The following SRGAP2C variants were observed in gnomAD, a reference collection of about 807,000 sequenced individuals.
The protein encoded by SRGAP2C is SLIT-ROBO Rho GTPase activating protein 2C, also known as SLIT-ROBO Rho GTPase-activating protein 2C.
In SRGAP2C, 15 loss-of-function variants were observed where a neutral mutation model predicts 25.1. The observed-to-expected ratio is 0.60, with a 90% CI of 0.40 to 0.92. SRGAP2C has a LOEUF of 0.92. SRGAP2C is among the 40% of genes least tolerant of loss of function. SRGAP2C has a pLI of 0.00. For synonymous variants in SRGAP2C, 44 were observed against 96.6 expected (o/e 0.46, Z 3.19); for missense variants, 144 against 264.4 (o/e 0.54, Z 3.16).
chr1:121,296,284 G>C (rs1472322348), intron 3 of SRGAP2C, among the ~76,000 whole-genome samples: 3 of 151,982 alleles, frequency 2.0e-5, no homozygotes, highest in African/African-American at 7.3e-5. Flanking sequence ...GGTTGAAACT[G>C]TGGAAATATT....
chr1:121,235,052 C>T (rs200346172), intron 2 of SRGAP2C, among the ~76,000 whole-genome samples: 4,281 of 141,228 alleles, frequency 0.03, 246 homozygotes, highest in African/African-American at 0.12. Flanking sequence ...GGCGGAGTCT[C>T]GCTCCGTCCC....
chr1:121,264,499 CT>C (rs1430233415), intron 2 of SRGAP2C, among the ~76,000 whole-genome samples: 4 of 106,986 alleles, frequency 3.7e-5, no homozygotes, highest in Non-Finnish European at 3.8e-5. Context: ...ACAGTCTCAT[CT>C]TTTTTTCCTC....
At chr1:121,378,925 C>T (rs1334598350) in intron 7 of SRGAP2C, among the ~76,000 whole-genome samples, 1 of 152,228 alleles carries the variant, frequency 6.6e-6, no homozygotes, top group Non-Finnish European at 1.5e-5. Context: ...GAAACCTTGA[C>T]TTCAGGCCAA....
At chr1:121,367,131 G>C in intron 5 of SRGAP2C, among the ~76,000 whole-genome samples, 1 of 151,786 alleles carries the variant, frequency 6.6e-6, no homozygotes, top group Non-Finnish European at 1.5e-5. Context: ...TCTTCCCATT[G>C]ATGTTCAAAC....
chr1:121,359,794 G>GA (rs4058174), intron 4 of SRGAP2C, among the ~76,000 whole-genome samples: 1 of 151,978 alleles, frequency 6.6e-6, no homozygotes, highest in Non-Finnish European at 1.5e-5. Context: ...AGAAAGAAAA[G>GA]AAAAAAAGAA....
At chr1:121,233,076 T>G (rs1655858409) in intron 2 of SRGAP2C, among the ~76,000 whole-genome samples, 1 of 121,668 alleles carries the variant, frequency 8.2e-6, no homozygotes, top group African/African-American at 3.2e-5. Context: ...GCCCTTGATC[T>G]GGACAACGTG....
chr1:121,374,599 C>G (rs1407202390), intron 6 of SRGAP2C, among the ~76,000 whole-genome samples: 1 of 152,162 alleles, frequency 6.6e-6, no homozygotes, highest in Non-Finnish European at 1.5e-5. Context: ...AAGATAGAAT[C>G]AAAGCGGGGC....
At chr1:121,308,800 G>A (rs1196224104) in intron 3 of SRGAP2C, among the ~76,000 whole-genome samples, 8 of 147,760 alleles carry the variant, frequency 5.4e-5, no homozygotes, top group Non-Finnish European at 7.4e-5. Flanking sequence ...TTAGCCGAGC[G>A]TGGTGGCACA....
rs1658064617 is a variant in SRGAP2C, at chr1:121,315,025, G to T, written c.261-9453G>T. On this transcript the variant is annotated intron_variant, in intron 3 of 9. Transcript: ENST00000367123. The stretch of plus-strand genomic sequence containing the variant: ...GTCTTGTCAACAGCTGTTATCTTCA[G>T]CTTCTTCAAGGTATCACTGAGATTA... The T allele has an allele frequency of 2.5e-5, 26 of 1,038,420 alleles. 2 individuals are homozygous for T. In the Admixed American group the frequency reaches 5.4e-4, roughly 21 times the overall value. The allele number at this position is 1,038,420 out of a possible 1,614,324, so 64.3% of individuals were successfully genotyped here. A position where few individuals can be genotyped will look rare whatever the true frequency, so the allele number is the denominator to read the frequency against.
chr1:121,277,867 G>GAAACATGGATATGTTTCCATGGAAACAT (rs1657143514), intron 2 of SRGAP2C, among the ~76,000 whole-genome samples: 1 of 102,984 alleles, frequency 9.7e-6, no homozygotes, highest in Non-Finnish European at 2.0e-5. Context: ...ACCGAGAGTG[G>GAAACATGGATATGTTTCCATGGAAACAT]GGAAAACATG....
intron 2 of SRGAP2C, among the ~76,000 whole-genome samples, chr1:121,207,945 G>A (rs1223959468): frequency 1.3e-5 from 2 of 152,100 alleles, no homozygotes; most frequent in African/African-American, 4.8e-5. Context: ...CCACTCAGCT[G>A]GAGGTCAGAG....
At chr1:121,203,694 AC>A (rs1297930211) in intron 2 of SRGAP2C, among the ~76,000 whole-genome samples, 1 of 57,444 alleles carries the variant, frequency 1.7e-5, no homozygotes, top group Non-Finnish European at 3.3e-5. Flanking sequence ...CTTTCATCTC[AC>A]CCCACTTTAG....
chr1:121,277,391 CT>C (rs1657129901), intron 2 of SRGAP2C, among the ~76,000 whole-genome samples: 3 of 151,722 alleles, frequency 2.0e-5, no homozygotes, highest in Admixed American at 6.6e-5. Context: ...TTGTTTGTTT[CT>C]TTTTTATGTA....
chr1:121,244,071 TTA>T (rs1656182731), intron 2 of SRGAP2C, among the ~76,000 whole-genome samples: 1 of 135,666 alleles, frequency 7.4e-6, no homozygotes, highest in Non-Finnish European at 1.6e-5. Context: ...TGACTGGAGG[TTA>T]TCTCACTGTA....
At chr1:121,375,011 G>A (rs189695835) in intron 7 of SRGAP2C, 57 bp downstream of exon 7, 269 of 746,748 alleles carry the variant, frequency 3.6e-4, no homozygotes, top group African/African-American at 2.6e-3. Context: ...CAGAATACTC[G>A]TCAGACATTC....
intron 2 of SRGAP2C, among the ~76,000 whole-genome samples, chr1:121,272,476 C>T (rs1275418886): frequency 1.5e-4 from 23 of 151,726 alleles, no homozygotes; most frequent in African/African-American, 5.3e-4. Context: ...CCTGCTATTG[C>T]CTTCAAGAAG....
At chr1:121,308,595 C>A (rs1383487252) in intron 3 of SRGAP2C, among the ~76,000 whole-genome samples, 1 of 151,650 alleles carries the variant, frequency 6.6e-6, no homozygotes, top group African/African-American at 2.4e-5. Context: ...GAACCATGGT[C>A]ATGCCCCTGT....
intron 4 of SRGAP2C, among the ~76,000 whole-genome samples, chr1:121,362,529 C>A (rs1359083967): frequency 7.3e-5 from 11 of 149,832 alleles, no homozygotes; most frequent in Admixed American, 7.3e-4. Context: ...CACTCTGGGG[C>A]TAGGTTATTT....
chr1:121,378,079 TTTTC>T (rs1414892864), intron 7 of SRGAP2C, among the ~76,000 whole-genome samples: 1 of 147,916 alleles, frequency 6.8e-6, no homozygotes, highest in Non-Finnish European at 1.5e-5. Context: ...GAACCAAGAG[TTTTC>T]TTTACCTTAG....
Sources: allele counts gnomAD v4.1 joint callset (sites outside exome capture counted in the v4.1 genomes callset), GRCh38; gene constraint gnomAD v4.1.1; transcripts MANE v1.5; gene names NCBI Gene and HGNC (gene_info 2026-07-23, HGNC 2026-07-21).